The following SOX5 variants were observed in gnomAD, a reference collection of about 807,000 sequenced individuals.
SOX5 encodes SRY-box transcription factor 5, also known as transcription factor SOX-5.
A neutral mutation model predicts 92.0 loss-of-function variants in SOX5; 9 were observed. The ratio of observed to expected loss-of-function variants is 0.10; its 90% CI spans 0.06 to 0.17. SOX5 has a LOEUF of 0.17. SOX5 is among the 10% of genes least tolerant of loss of function. SOX5 has a pLI of 1.00. For synonymous variants in SOX5, 344 were observed against 336.3 expected (o/e 1.02, Z -0.25); for missense variants, 642 against 944.5 (o/e 0.68, Z 4.20).
At chr12:23,879,320 C>T (rs764304052) in intron 2 of SOX5, among the ~76,000 whole-genome samples, 3 of 107,718 alleles carry the variant, frequency 2.8e-5, no homozygotes, top group Non-Finnish European at 3.9e-5. Context: ...GCTAATGTAT[C>T]TAATCTGATG....
At chr12:24,011,632 T>G (rs1952949614) in intron 4 of SOX5, among the ~76,000 whole-genome samples, 1 of 152,192 alleles carries the variant, frequency 6.6e-6, no homozygotes, top group Non-Finnish European at 1.5e-5. Context: ...TTCTTCTTGC[T>G]GTGCCTACAA....
At chr12:23,758,581 G>T (rs1238216274) in intron 3 of SOX5, among the ~76,000 whole-genome samples, 1 of 151,896 alleles carries the variant, frequency 6.6e-6, no homozygotes, top group Non-Finnish European at 1.5e-5. Context: ...CAAAACTTAG[G>T]AAGTTATCAT....
intron 4 of SOX5, among the ~76,000 whole-genome samples, chr12:23,978,474 C>T (rs1238130227): frequency 6.6e-6 from 1 of 152,186 alleles, no homozygotes; most frequent in African/African-American, 2.4e-5. Context: ...TGATATCTAG[C>T]TTCCCTAAAT....
At chr12:23,735,058 G>A (rs1232918755) in intron 5 of SOX5, among the ~76,000 whole-genome samples, 3 of 152,158 alleles carry the variant, frequency 2.0e-5, no homozygotes, top group Non-Finnish European at 2.9e-5. Flanking sequence ...TTAAGAAGGC[G>A]CTGCTTCTGA....
intron 1 of SOX5, among the ~76,000 whole-genome samples, chr12:23,898,939 C>T (rs1188556288): frequency 6.6e-6 from 1 of 152,164 alleles, no homozygotes; most frequent in Non-Finnish European, 1.5e-5. Context: ...GAAAAGTAAA[C>T]TATATAACAA....
intron 3 of SOX5, among the ~76,000 whole-genome samples, chr12:23,830,247 T>C (rs2096293898): frequency 6.6e-6 from 1 of 152,132 alleles, no homozygotes; most frequent in Non-Finnish European, 1.5e-5. Context: ...TCCTGACCTT[T>C]AAAAAATAAA....
chr12:24,459,868 G>A (rs1943432323), intron 1 of SOX5, among the ~76,000 whole-genome samples: 1 of 152,162 alleles, frequency 6.6e-6, no homozygotes, highest in Non-Finnish European at 1.5e-5. Flanking sequence ...GAAACATTAA[G>A]ACATATTAAT....
chr12:23,607,090 C>A (rs1420857556), intron 8 of SOX5, among the ~76,000 whole-genome samples: 1 of 152,092 alleles, frequency 6.6e-6, no homozygotes, highest in Non-Finnish European at 1.5e-5. Context: ...GGCTTCTGTG[C>A]AAGAGGACAA....
intron 3 of SOX5, among the ~76,000 whole-genome samples, chr12:24,213,908 G>A (rs561888541): frequency 7.2e-5 from 11 of 151,970 alleles, no homozygotes; most frequent in Admixed American, 3.3e-4. Context: ...TAGTTTTACT[G>A]AGACAATTAC....
chr12:24,309,875 A>G (rs1196523549), intron 2 of SOX5, among the ~76,000 whole-genome samples: 1 of 152,174 alleles, frequency 6.6e-6, no homozygotes, highest in Admixed American at 6.5e-5. Flanking sequence ...AACATGCCCT[A>G]TCAGTACTAG....
chr12:23,705,284 A>T (rs1256513568), intron 6 of SOX5, among the ~76,000 whole-genome samples: 3 of 152,016 alleles, frequency 2.0e-5, no homozygotes, highest in Non-Finnish European at 4.4e-5. Context: ...GTGGCCAAGT[A>T]AAAGAGCGCT....
chr12:23,919,786 A>G (rs961502325), intron 1 of SOX5, among the ~76,000 whole-genome samples: 2 of 152,168 alleles, frequency 1.3e-5, no homozygotes, highest in African/African-American at 4.8e-5. Flanking sequence ...CATGGTTTCT[A>G]CTGGAGATTT....
chr12:23,912,254 A>T (rs2097360172), intron 1 of SOX5, among the ~76,000 whole-genome samples: 1 of 152,194 alleles, frequency 6.6e-6, no homozygotes, highest in Non-Finnish European at 1.5e-5. Flanking sequence ...GAAGATGCTC[A>T]ACAGCATTAG....
chr12:24,114,445 T>C (rs1593285061), intron 4 of SOX5, among the ~76,000 whole-genome samples: 1 of 150,882 alleles, frequency 6.6e-6, no homozygotes, highest in Admixed American at 6.6e-5. Context: ...AGTGTGATGG[T>C]GTGTGCCTGT....
chr12:24,247,070 G>A (rs778224739), intron 3 of SOX5, among the ~76,000 whole-genome samples: 9 of 152,140 alleles, frequency 5.9e-5, no homozygotes, highest in Non-Finnish European at 1.3e-4. Flanking sequence ...CGACAAGAGT[G>A]ATTTATTTTT....
At chr12:23,920,853 G>C (rs1321487702) in intron 1 of SOX5, among the ~76,000 whole-genome samples, 1 of 151,984 alleles carries the variant, frequency 6.6e-6, no homozygotes, top group African/African-American at 2.4e-5. Context: ...CTGTTTACAA[G>C]GTCTATTAAT....
chr12:23,696,205 T>C (rs920948461), intron 6 of SOX5, among the ~76,000 whole-genome samples: 2 of 151,764 alleles, frequency 1.3e-5, no homozygotes, highest in Non-Finnish European at 2.9e-5. Context: ...AAATTGGCAT[T>C]TTTTTTTCTT....
intron 1 of SOX5, among the ~76,000 whole-genome samples, chr12:24,439,072 C>T (rs1018929463): frequency 2.0e-5 from 3 of 152,166 alleles, no homozygotes; most frequent in African/African-American, 7.2e-5. Context: ...ACTGCCACCC[C>T]AACCTTCAGC....
chr12:23,850,458 A>AAAT (rs1568331563), intron 2 of SOX5, among the ~76,000 whole-genome samples: 14 of 143,586 alleles, frequency 9.8e-5, no homozygotes, highest in South Asian at 4.3e-4. Flanking sequence ...AAATAAAAAA[A>AAAT]AAATAAATAA....
Sources: allele counts gnomAD v4.1 joint callset (sites outside exome capture counted in the v4.1 genomes callset), GRCh38; gene constraint gnomAD v4.1.1; transcripts MANE v1.5; gene names NCBI Gene and HGNC (gene_info 2026-07-23, HGNC 2026-07-21).